HSD17B2: variants seen among roughly 807,000 people sequenced by gnomAD.
The protein encoded by HSD17B2 is hydroxysteroid 17-beta dehydrogenase 2.
Under a neutral mutation model 26.9 loss-of-function variants are expected in HSD17B2, and 32 were observed. The observed-to-expected ratio is 1.19, with a 90% CI of 0.90 to 1.60. The LOEUF is 1.60. Ranked by LOEUF, HSD17B2 falls within the 40% of genes most tolerant of loss-of-function variation. HSD17B2 has a pLI of 0.00. For synonymous variants in HSD17B2, 246 were observed against 186.7 expected, an observed-to-expected ratio of 1.32 and a Z score of -2.59; for missense variants, 613 against 468.6, an observed-to-expected ratio of 1.31 and a Z score of -2.85.
rs1350041772 is a variant in HSD17B2, at chr16:82,035,646, C to G, written c.222C>G (p.Gly74=). Residue 74 remains glycine (G), a synonymous_variant, in exon 1 of 5, where the codon GGC becomes GGG. Coordinates refer to ENST00000199936, the MANE Select transcript of HSD17B2 (RefSeq NM_002153.3). ...SCFLMYTYLS[G]QELLPVDQKA... The stretch of plus-strand genomic sequence containing the variant: ...TCCTCATGTATACTTACTTATCTGG[C>G]CAAGAATTGTTACCTGTGGATCAGA... The G allele has an allele frequency of 4.3e-6, 7 of 1,613,696 alleles. No individual in the cohort carries two copies. Among genetic ancestry groups the G allele is most frequent in the Non-Finnish European group, 5.9e-6 (7 of 1,180,018 alleles).
At chr16:82,061,227 A>G (rs1914429481) in intron 1 of HSD17B2, among the ~76,000 whole-genome samples, 4 of 151,958 alleles carry the variant, frequency 2.6e-5, no homozygotes, top group Admixed American at 2.6e-4. Context: ...CACTGCACTC[A>G]AGCCTGGGTG....
chr16:82,041,430 G>A (rs1275709667), intron 1 of HSD17B2, among the ~76,000 whole-genome samples: 1 of 152,210 alleles, frequency 6.6e-6, no homozygotes, highest in Non-Finnish European at 1.5e-5. Flanking sequence ...TGAGCTGTTG[G>A]AAGCTCCATT....
At chr16:82,047,735 T>C (rs1416807843) in intron 1 of HSD17B2, among the ~76,000 whole-genome samples, 1 of 152,198 alleles carries the variant, frequency 6.6e-6, no homozygotes, top group Non-Finnish European at 1.5e-5. Flanking sequence ...CACTGCACAT[T>C]GGACTCTCCC....
At chr16:82,052,699 A>G (rs1394420728) in intron 1 of HSD17B2, among the ~76,000 whole-genome samples, 1 of 152,162 alleles carries the variant, frequency 6.6e-6, no homozygotes, top group Non-Finnish European at 1.5e-5. Context: ...CAATCCAGGG[A>G]AAAATATCCT....
Position 82,098,205 on chromosome 16 carries a change from C to G in HSD17B2, c.933C>G (p.Asn311Lys). 6.2e-7 allele frequency: 1 copy of G among 1,614,188 alleles called. No homozygotes were observed. The highest frequency in any genetic ancestry group is 8.5e-7 in the Non-Finnish European group (1 of 1,180,012). ...AGCGGAATTTCCTCCTATTGATCAA[C>G]TCGTTAGCCAGCAAGGACTTCTCTC... ...LAQRNFLLLI[N>K]SLASKDFSPV... is the part of the protein sequence containing the mutation. Residue 311 changes from asparagine to lysine, a missense_variant, in exon 5 of 5, where the codon AAC becomes AAG. By Grantham distance (94) the Asn-to-Lys change is moderately conservative. Coordinates refer to ENST00000199936, the MANE Select transcript of HSD17B2 (RefSeq NM_002153.3).
At chr16:82,066,514 A>G (rs1176219752) in intron 1 of HSD17B2, among the ~76,000 whole-genome samples, 1 of 152,226 alleles carries the variant, frequency 6.6e-6, no homozygotes, top group Non-Finnish European at 1.5e-5. Flanking sequence ...TAGCCTTTAA[A>G]AAAAGAAATT....
chr16:82,039,331 G>A (rs1913705536), intron 1 of HSD17B2, among the ~76,000 whole-genome samples: 1 of 47,646 alleles, frequency 2.1e-5, no homozygotes, highest in South Asian at 7.4e-4. Context: ...GTTAGCAGAT[G>A]AGAGAGAGAG....
intron 3 of HSD17B2, among the ~76,000 whole-genome samples, chr16:82,074,493 C>T (rs915742222): frequency 6.6e-6 from 1 of 151,982 alleles, no homozygotes; most frequent in South Asian, 2.1e-4. Context: ...AAAGCGCTGT[C>T]AAGATAGGAA....
At chr16:82,065,263 T>C (rs940872427) in intron 1 of HSD17B2, among the ~76,000 whole-genome samples, 1 of 152,214 alleles carries the variant, frequency 6.6e-6, no homozygotes, top group African/African-American at 2.4e-5. Flanking sequence ...CATGCCTTCA[T>C]GGTCAGCAGC....
chr16:82,052,401 C>T (rs1217060717), intron 1 of HSD17B2: 2 of 152,232 alleles, frequency 1.3e-5, no homozygotes. Context: ...GGCAGCTGTT[C>T]CTCCTTGGTC....
intron 3 of HSD17B2, among the ~76,000 whole-genome samples, chr16:82,076,663 C>T (rs187801586): frequency 6.6e-6 from 1 of 152,328 alleles, no homozygotes; most frequent in African/African-American, 2.4e-5. Context: ...CAGTCTCCAC[C>T]TCCTGGATTT....
At chr16:82,066,361 G>C (rs1046149019) in intron 1 of HSD17B2, among the ~76,000 whole-genome samples, 1 of 152,170 alleles carries the variant, frequency 6.6e-6, no homozygotes, top group African/African-American at 2.4e-5. Flanking sequence ...GGTGGTGTCA[G>C]AAGGACAGGA....
rs370339479 is a variant in HSD17B2 at position 82,035,672 on chromosome 16, A to C, written c.248A>C (p.Lys83Thr). 2.5e-6 allele frequency: 4 copies of C among 1,613,792 alleles called. No homozygotes were observed. Among genetic ancestry groups the C allele is most frequent in the African/African-American group, 1.3e-5 (1 of 74,932 alleles). Reference protein sequence around the residue: ...SGQELLPVDQKAVLVTGGDCG... With the variant: ...SGQELLPVDQTAVLVTGGDCG... ...CAAGAATTGTTACCTGTGGATCAGA[A>C]GGCAGTCCTGGTGACAGGTAAGCAG... The change falls in exon 1 of 5, where the codon AAG becomes ACG. Residue 83 changes from lysine (K) to threonine (T), a missense_variant. By Grantham distance (78) the Lys-to-Thr change is moderately conservative. Coordinates refer to ENST00000199936, the MANE Select transcript of HSD17B2 (RefSeq NM_002153.3).
intron 3 of HSD17B2, among the ~76,000 whole-genome samples, chr16:82,076,534 T>A (rs1393992517): frequency 6.6e-6 from 1 of 152,202 alleles, no homozygotes; most frequent in Non-Finnish European, 1.5e-5. Flanking sequence ...ACAAATTCAG[T>A]CAAGTTGCAG....
rs756262272 is a variant in HSD17B2 at position 82,035,468 on chromosome 16, T to C, written c.44T>C (p.Val15Ala). Reference sequence around the variant, plus strand: ...GACACAGCATGGATCTGCCTGGCTGTCCCCACAGTACTATGTGGGACAGTA... The same window carrying C: ...GACACAGCATGGATCTGCCTGGCTGCCCCCACAGTACTATGTGGGACAGTA... Reference protein sequence around the residue: ...FSDTAWICLAVPTVLCGTVFC... With the variant: ...FSDTAWICLAAPTVLCGTVFC... Residue 15 changes from valine to alanine, a missense_variant, in exon 1 of 5, where the codon GTC becomes GCC. Coordinates refer to ENST00000199936, the MANE Select transcript of HSD17B2 (RefSeq NM_002153.3). 2 of 1,613,694 alleles carry C rather than the reference T, an allele frequency of 1.2e-6. No individual in the cohort carries two copies. The highest frequency in any genetic ancestry group is 1.7e-6 in the Non-Finnish European group (2 of 1,179,920).
intron 3 of HSD17B2, among the ~76,000 whole-genome samples, chr16:82,074,975 T>G (rs1329107738): frequency 6.6e-6 from 1 of 152,116 alleles, no homozygotes; most frequent in South Asian, 2.1e-4. Context: ...TAAAACATTT[T>G]AAAAAATGAA....
At chr16:82,052,449 C>G (rs1031073218) in intron 1 of HSD17B2, 1 of 152,216 alleles carries the variant, frequency 6.6e-6, no homozygotes, top group African/African-American at 2.4e-5. Flanking sequence ...ATGTTTCTAG[C>G]GAGAGGGTCC....
chr16:82,055,949 C>G (rs1365160640), intron 1 of HSD17B2, among the ~76,000 whole-genome samples: 1 of 152,136 alleles, frequency 6.6e-6, no homozygotes, highest in Non-Finnish European at 1.5e-5. Flanking sequence ...GAAGTGTAAG[C>G]TGGCCCAGGT....
intron 3 of HSD17B2, chr16:82,090,311 T>TG (rs1904650275): frequency 3.7e-6 from 1 of 268,804 alleles, no homozygotes; most frequent in Non-Finnish European, 5.0e-6. Flanking sequence ...TGTTTTTTTT[T>TG]TTTTTTTTTT....
Sources: gnomAD v4.1 joint callset for allele counts (sites outside exome capture counted in the v4.1 genomes callset) on GRCh38, gnomAD v4.1.1 for gene constraint, MANE v1.5 for transcripts, NCBI Gene and HGNC (gene_info 2026-07-23, HGNC 2026-07-21) for gene names.